PLCB1: variants seen among roughly 807,000 people sequenced by gnomAD.
The protein encoded by PLCB1 is 1-phosphatidylinositol 4,5-bisphosphate phosphodiesterase beta-1.
A neutral mutation model predicts 161.8 loss-of-function variants in PLCB1; 46 were observed. The observed-to-expected ratio is 0.28, with a 90% confidence interval of 0.22 to 0.36. The LOEUF is 0.36. Ranked by LOEUF, PLCB1 falls within the 10% of genes least tolerant of loss-of-function variation. The pLI, the probability that PLCB1 is intolerant of heterozygous loss-of-function variation, is 1.00. For synonymous variants in PLCB1, 517 were observed against 503.7 expected, an observed-to-expected ratio of 1.03 and a Z score of -0.35; for missense variants, 1,016 against 1,472.5, an observed-to-expected ratio of 0.69 and a Z score of 5.07.
intron 3 of PLCB1, among the ~76,000 whole-genome samples, chr20:8,498,555 G>T (rs1983273877): frequency 6.6e-6 from 1 of 152,182 alleles, no homozygotes; most frequent in Non-Finnish European, 1.5e-5. Flanking sequence ...TCCCCTTGGG[G>T]ATCACAATCT....
chr20:8,699,459 G>T (rs867020770), intron 11 of PLCB1, among the ~76,000 whole-genome samples: 4 of 152,188 alleles, frequency 2.6e-5, no homozygotes, highest in South Asian at 4.1e-4. Flanking sequence ...TGAAGAAGAG[G>T]TAAAAACTCT....
chr20:8,711,681 T>A lies in PLCB1; in HGVS notation c.1250+2929T>A, dbSNP rs186985213. Among the ~76,000 whole-genome samples the A allele has an allele frequency of 1.3e-3, 191 of 152,308 alleles. 1 individual carries two copies. Among genetic ancestry groups the A allele is most frequent in the African/African-American group, 4.3e-3 (177 of 41,564 alleles). On this transcript the variant is annotated intron_variant, in intron 12 of 31. Coordinates refer to ENST00000338037, the MANE Select transcript of PLCB1 (RefSeq NM_015192.4). ...ATCAAAATTGTTCAGCCACCATTCT[T>A]TCCTGGGAGGCTAGCACACACCCAA...
chr20:8,537,327 A>G (rs748124361), intron 3 of PLCB1, among the ~76,000 whole-genome samples: 6 of 152,152 alleles, frequency 3.9e-5, no homozygotes, highest in Non-Finnish European at 8.8e-5. Flanking sequence ...TTCCGGTGGA[A>G]TGCCCTCCGA....
intron 2 of PLCB1, among the ~76,000 whole-genome samples, chr20:8,190,038 T>C (rs2051950514): frequency 6.6e-6 from 1 of 152,114 alleles, no homozygotes; most frequent in African/African-American, 2.4e-5. Context: ...TATGACTTCA[T>C]TGATTTTCTT....
At chr20:8,454,881 T>C (rs7344156) in intron 3 of PLCB1, among the ~76,000 whole-genome samples, 13 of 152,344 alleles carry the variant, frequency 8.5e-5, no homozygotes, top group African/African-American at 2.9e-4. Context: ...GTATATTTCA[T>C]GCATTTTTAT....
intron 2 of PLCB1, among the ~76,000 whole-genome samples, chr20:8,307,906 G>C (rs956071301): frequency 2.0e-5 from 3 of 151,914 alleles, no homozygotes; most frequent in African/African-American, 7.2e-5. Context: ...CTGGGCAACA[G>C]AGCAAGACTC....
intron 22 of PLCB1, among the ~76,000 whole-genome samples, chr20:8,740,989 T>C (rs1980851488): frequency 1.3e-5 from 2 of 152,210 alleles, no homozygotes; most frequent in African/African-American, 4.8e-5. Context: ...AATAACTATA[T>C]TGGCAAATCA....
At chr20:8,681,596 A>G (rs1449759553) in intron 9 of PLCB1, among the ~76,000 whole-genome samples, 1 of 152,188 alleles carries the variant, frequency 6.6e-6, no homozygotes, top group Non-Finnish European at 1.5e-5. Context: ...AGAAGCATAC[A>G]CTTGCCAGTT....
Position 8,789,585 on chromosome 20 carries a change from C to G in PLCB1, c.3336+10C>G. The G allele has an allele frequency of 6.3e-7, 1 of 1,589,502 alleles. No individual in the cohort carries two copies. Among genetic ancestry groups the G allele is most frequent in the South Asian group, 1.1e-5 (1 of 90,584 alleles). ...GCAGTATATCAAGAGGGTATGTGGG[C>G]TCATCACGCTCTCTCCTTTGCAAAA... On this transcript the variant is annotated intron_variant, in intron 30 of 31. Transcript: ENST00000338037.
chr20:8,844,847 A>G (rs1265248409), intron 31 of PLCB1, among the ~76,000 whole-genome samples: 1 of 152,138 alleles, frequency 6.6e-6, no homozygotes. Context: ...ACGGTGGCAC[A>G]CACCTGTAAT....
chr20:8,461,655 A>T (rs1472435991), intron 3 of PLCB1, among the ~76,000 whole-genome samples: 1 of 152,148 alleles, frequency 6.6e-6, no homozygotes, highest in South Asian at 2.1e-4. Context: ...TTGCAATCCA[A>T]TTGAGAGGTT....
chr20:8,775,352 A>G (rs974249483), intron 27 of PLCB1, among the ~76,000 whole-genome samples: 3 of 152,230 alleles, frequency 2.0e-5, no homozygotes, highest in African/African-American at 7.2e-5. Flanking sequence ...TTTGTGACAG[A>G]TAGATTAGAT....
intron 2 of PLCB1, among the ~76,000 whole-genome samples, chr20:8,182,385 A>G (rs1407673302): frequency 6.6e-6 from 1 of 152,098 alleles, no homozygotes; most frequent in African/African-American, 2.4e-5. Flanking sequence ...GGTGTGTCAT[A>G]TCTGAGCTTG....
rs1386584857 is a variant in PLCB1, at chr20:8,132,475, T to A, written c.-177T>A. On this transcript the variant is annotated 5_prime_UTR_variant, in exon 1 of 32. Transcript: ENST00000338037. The surrounding 1 kb of genome is among the most constrained non-coding windows in gnomAD (Gnocchi z 5.2). ...GCGCTGCGCCCCCGCGCGCTCTGCC[T>A]GCTGAGCGGCGCCGGAGGGAGGTGC... The A allele has an allele frequency of 2.9e-6, 1 of 348,418 alleles. No individual in the cohort carries two copies. The highest frequency in any genetic ancestry group is 4.5e-5 in the East Asian group (1 of 22,174). The allele number at this position is 348,418 out of a possible 1,614,324, so 21.6% of individuals were successfully genotyped here.
intron 2 of PLCB1, among the ~76,000 whole-genome samples, chr20:8,255,076 G>T (rs1052588316): frequency 6.6e-6 from 1 of 152,042 alleles, no homozygotes; most frequent in Non-Finnish European, 1.5e-5. Context: ...CCTTAGGCAA[G>T]TACTTTATCA....
At chr20:8,262,840 G>T (rs984410642) in intron 2 of PLCB1, among the ~76,000 whole-genome samples, 5 of 151,798 alleles carry the variant, frequency 3.3e-5, no homozygotes, top group Non-Finnish European at 7.4e-5. Context: ...CCTTCCTTTT[G>T]TTTGTGTATG....
chr20:8,788,820 C>A (rs118098313), intron 29 of PLCB1, 98 bp downstream of exon 29: 2 of 735,324 alleles, frequency 2.7e-6, no homozygotes, highest in Non-Finnish European at 4.5e-6. Context: ...AAGACTCCTT[C>A]GTGAAGTTTC....
chr20:8,540,471 AC>A (rs1985266674), intron 3 of PLCB1, among the ~76,000 whole-genome samples: 1 of 152,154 alleles, frequency 6.6e-6, no homozygotes, highest in South Asian at 2.1e-4. Flanking sequence ...AAAAGAAAAT[AC>A]CTTGTCAGCC....
chr20:8,476,978 A>AT (rs1012009900), intron 3 of PLCB1, among the ~76,000 whole-genome samples: 13 of 152,118 alleles, frequency 8.5e-5, no homozygotes, highest in African/African-American at 3.1e-4. Context: ...TAGGAAAAGG[A>AT]TTTTTTTCAG....
Sources: gnomAD v4.1 joint callset for allele counts (sites outside exome capture counted in the v4.1 genomes callset) on GRCh38, gnomAD v4.1.1 for gene constraint, Gnocchi (gnomAD v3.1) non-coding constraint, MANE v1.5 for transcripts, NCBI Gene and HGNC (gene_info 2026-07-23, HGNC 2026-07-21) for gene names.